The following MBNL3 variants were observed in gnomAD, a reference collection of about 807,000 sequenced individuals.
MBNL3 encodes muscleblind like splicing regulator 3, also known as muscleblind-like protein 3.
MBNL3 carries 6 observed loss-of-function variants against 24.5 expected under a neutral mutation model. The observed-to-expected ratio is 0.25, with a 90% CI of 0.13 to 0.48. The LOEUF (loss-of-function observed/expected upper bound fraction) is 0.48. MBNL3 is among the 20% of genes least tolerant of loss of function. The pLI is 0.99. For missense variants in MBNL3, 230 were observed against 293.5 expected, an observed-to-expected ratio of 0.78 and a Z score of 1.58; for synonymous variants, 100 against 101.7, an observed-to-expected ratio of 0.98 and a Z score of 0.10.
intron 2 of MBNL3, among the ~76,000 whole-genome samples, chrX:132,434,311 T>C (rs1433601887): frequency 1.8e-5 from 2 of 112,489 alleles, no homozygotes; most frequent in Non-Finnish European, 3.7e-5. Context: ...TTTCCCTTGC[T>C]CTCTTTCTTA....
intron 3 of MBNL3, among the ~76,000 whole-genome samples, chrX:132,396,345 C>CCT (rs1938289949): frequency 6.4e-5 from 5 of 78,155 alleles, no homozygotes. Flanking sequence ...CATATATATT[C>CCT]ATATATATAT....
intron 3 of MBNL3, among the ~76,000 whole-genome samples, chrX:132,396,967 T>TTC (rs1265092073): frequency 1.5e-3 from 125 of 83,117 alleles, no homozygotes; most frequent in African/African-American, 4.9e-3. Flanking sequence ...TTCATATATA[T>TTC]ATGAATATAT....
rs180796976 is a variant in MBNL3 at position 132,481,887 on chromosome X, G to T, written c.-704+6964C>A. ...GCAAAACCAGGTTATTAAACATGGG[G>T]TAGAGGGGCAACTTGCGAGTCAGTC... On this transcript the variant is annotated intron_variant, in intron 1 of 8. Coordinates refer to ENST00000370853, the MANE Select transcript of MBNL3 (RefSeq NM_001386889.1). 3.3e-3 allele frequency among the ~76,000 whole-genome samples: 370 copies of T among 111,977 alleles called. 1 individual carries two copies. Among genetic ancestry groups the T allele is most frequent in the African/African-American group, 0.011 (354 of 30,808 alleles).
chrX:132,435,610 G>A (rs377234618), intron 2 of MBNL3, among the ~76,000 whole-genome samples: 2 of 111,868 alleles, frequency 1.8e-5, no homozygotes, highest in Non-Finnish European at 1.9e-5. Flanking sequence ...GATTCATATC[G>A]ATATGCTTAT....
At chrX:132,391,337 T>C (rs1212578119) in intron 4 of MBNL3, among the ~76,000 whole-genome samples, 1 of 111,952 alleles carries the variant, frequency 8.9e-6, no homozygotes, top group African/African-American at 3.2e-5. Context: ...AATAAAAATG[T>C]TTAAAAAAGT....
intron 7 of MBNL3, 142 bp downstream of exon 7, chrX:132,384,521 A>G (rs1935623312): frequency 1.9e-6 from 1 of 512,959 alleles, no homozygotes; most frequent in East Asian, 4.2e-5. Context: ...ACAAAGACAT[A>G]AAACAGAAAG....
chrX:132,411,807 C>A (rs1037231530), intron 2 of MBNL3, among the ~76,000 whole-genome samples: 9 of 111,812 alleles, frequency 8.0e-5, no homozygotes, highest in Non-Finnish European at 1.7e-4. Context: ...GGCAGAACTA[C>A]ATCTTCCTCC....
At chrX:132,410,576 G>A (rs753088809) in intron 2 of MBNL3, among the ~76,000 whole-genome samples, 1 of 112,281 alleles carries the variant, frequency 8.9e-6, no homozygotes, top group African/African-American at 3.2e-5. Flanking sequence ...CTGCTAGACT[G>A]CCAACAGTTA....
At chrX:132,489,736 C>G (rs1948197518), upstream of MBNL3, 1 of 108,949 alleles carries the variant, frequency 9.2e-6, no homozygotes, top group Non-Finnish European at 1.9e-5. Context: ...TCCGGAGCGC[C>G]GGACTCGGAA....
chrX:132,391,128 T>C (rs778979656), intron 4 of MBNL3, 45 bp from the exon 5 acceptor site: 80 of 1,010,341 alleles, frequency 7.9e-5, no homozygotes, highest in African/African-American at 5.6e-5. Context: ...CACTGATGAC[T>C]GGAAGCTGAC....
At chrX:132,438,941 C>T (rs1241910656) in intron 2 of MBNL3, among the ~76,000 whole-genome samples, 1 of 109,049 alleles carries the variant, frequency 9.2e-6, no homozygotes, top group Non-Finnish European at 1.9e-5. Flanking sequence ...CCTTCTGGAA[C>T]CCTTATACTC....
At chrX:132,445,904 T>C (rs750929030) in intron 1 of MBNL3, among the ~76,000 whole-genome samples, 1 of 111,381 alleles carries the variant, frequency 9.0e-6, no homozygotes, top group African/African-American at 3.3e-5. Context: ...CATCAACCCA[T>C]CATCTACATT....
intron 2 of MBNL3, chrX:132,429,783 A>C (rs1944587590): frequency 8.9e-6 from 1 of 111,772 alleles, no homozygotes; most frequent in African/African-American, 3.3e-5. Context: ...AGCCTAATTG[A>C]TGTTCTCTCC....
chrX:132,479,024 C>A (rs1209280855), intron 1 of MBNL3, among the ~76,000 whole-genome samples: 1 of 112,023 alleles, frequency 8.9e-6, no homozygotes, highest in Non-Finnish European at 1.9e-5. Context: ...CCAAGGCAGG[C>A]AGATCACCTG....
rs1934068987 is a variant in MBNL3 at position 132,375,635 on chromosome X, C to T, written c.*4031G>A. The stretch of plus-strand genomic sequence containing the variant: ...TTTATTCTAGTGCCTTCTACAGGCA[C>T]TGGTTAAACAAGGCTACTGTCTTAG... On this transcript the variant is annotated 3_prime_UTR_variant, in exon 9 of 9. Transcript: ENST00000370853. 1.8e-5 allele frequency: 2 copies of T among 111,718 alleles called. No homozygotes were observed. Among genetic ancestry groups the T allele is most frequent in the South Asian group, 3.7e-4 (1 of 2,727 alleles). The allele number at this position is 111,718 out of a possible 1,213,427, so 9.2% of individuals were successfully genotyped here.
chrX:132,412,496 T>G (rs1305648668), intron 2 of MBNL3, among the ~76,000 whole-genome samples: 1 of 112,889 alleles, frequency 8.9e-6, no homozygotes, highest in Non-Finnish European at 1.9e-5. Flanking sequence ...GGCTCTCTAA[T>G]GCATATGCCT....
chrX:132,401,592 C>G (rs1025796199), intron 3 of MBNL3, among the ~76,000 whole-genome samples: 1 of 104,049 alleles, frequency 9.6e-6, no homozygotes, highest in African/African-American at 3.5e-5. Context: ...GCCTGGTCCA[C>G]AGAGTGATAC....
chrX:132,382,329 A>C, intron 7 of MBNL3, 57 bp from the exon 8 acceptor site: 1 of 976,860 alleles, frequency 1.0e-6, no homozygotes, highest in Non-Finnish European at 1.4e-6. Context: ...TTATGCAACC[A>C]TAACATTTAC....
At chrX:132,382,298 A>G (rs753015228) in intron 7 of MBNL3, 26 bp from the exon 8 acceptor site, 2 of 1,123,358 alleles carry the variant, frequency 1.8e-6, no homozygotes, top group African/African-American at 1.8e-5. Context: ...CATAGAAGCA[A>G]CACACGGGAG....
Sources: allele counts gnomAD v4.1 joint callset (sites outside exome capture counted in the v4.1 genomes callset), GRCh38; gene constraint gnomAD v4.1.1; transcripts MANE v1.5; gene names NCBI Gene and HGNC (gene_info 2026-07-23, HGNC 2026-07-21).